RAI14: variants seen among roughly 807,000 people sequenced by gnomAD.
RAI14 encodes retinoic acid induced 14, also known as ankycorbin.
RAI14 carries 45 observed loss-of-function variants against 115.4 expected under a neutral mutation model. The ratio of observed to expected loss-of-function variants is 0.39; its 90% CI spans 0.31 to 0.50. The LOEUF is 0.50. Ranked by LOEUF, RAI14 falls within the 20% of genes least tolerant of loss-of-function variation. RAI14 has a pLI of 0.85. For synonymous variants in RAI14, 371 were observed against 415.4 expected (o/e 0.89, Z 1.30); for missense variants, 939 against 1,131.2 (o/e 0.83, Z 2.44).
At chr5:34,678,672 C>T (rs1744173811) in intron 1 of RAI14, among the ~76,000 whole-genome samples, 1 of 152,214 alleles carries the variant, frequency 6.6e-6, no homozygotes, top group South Asian at 2.1e-4. Context: ...GTTTAAACTA[C>T]CCAGTCTGTG....
intron 1 of RAI14, among the ~76,000 whole-genome samples, chr5:34,683,881 T>C (rs563974339): frequency 2.0e-4 from 30 of 152,240 alleles, no homozygotes; most frequent in African/African-American, 5.5e-4. Flanking sequence ...GCGCCCGCCA[T>C]CACGCCCGGC....
intron 2 of RAI14, among the ~76,000 whole-genome samples, chr5:34,712,676 G>A (rs953804931): frequency 6.6e-6 from 1 of 152,120 alleles, no homozygotes; most frequent in Non-Finnish European, 1.5e-5. Context: ...GATACACTAC[G>A]ACAGTTTTTC....
intron 1 of RAI14, among the ~76,000 whole-genome samples, chr5:34,661,311 A>T (rs918439680): frequency 6.6e-6 from 1 of 152,170 alleles, no homozygotes. Context: ...GTACTAGATT[A>T]TGAGCTCTAC....
At chr5:34,752,703 A>ATGTGTGTGTGTGTGTGTGTG (rs71600953) in intron 2 of RAI14, among the ~76,000 whole-genome samples, 3 of 83,012 alleles carry the variant, frequency 3.6e-5, no homozygotes, top group African/African-American at 5.7e-5. Context: ...TCTTACATAT[A>ATGTGTGTGTGTGTGTGTGTG]TGTGTGTGTG....
At chr5:34,698,671 A>G (rs2149921951) in intron 2 of RAI14, among the ~76,000 whole-genome samples, 1 of 152,304 alleles carries the variant, frequency 6.6e-6, no homozygotes, top group East Asian at 1.9e-4. Flanking sequence ...AGAAGGATAT[A>G]TACATGGGCA....
chr5:34,823,782 A>G lies in RAI14; in HGVS notation c.1940A>G (p.Glu647Gly). 6.2e-7 allele frequency: 1 copy of G among 1,614,202 alleles called. No homozygotes were observed. The highest frequency in any genetic ancestry group is 8.5e-7 in the Non-Finnish European group (1 of 1,180,030). The stretch of plus-strand genomic sequence containing the variant: ...GATGAACTCAATAAACAGGTGAGCG[A>G]GCTGTCACAGCTGTACAAAGAAGCC... ...MIDELNKQVSELSQLYKEAQA... is the reference protein window; with the variant it reads ...MIDELNKQVSGLSQLYKEAQA... The change falls in exon 15 of 18, where the codon GAG becomes GGG. Residue 647 changes from glutamate (E) to glycine (G), a missense_variant. Transcript: ENST00000265109. This position sits in a 1 kb window ranked among gnomAD's most constrained non-coding sequence, Gnocchi z 4.5.
chr5:34,788,435 G>C (rs1752566342), intron 3 of RAI14, among the ~76,000 whole-genome samples: 1 of 152,052 alleles, frequency 6.6e-6, no homozygotes, highest in South Asian at 2.1e-4. Context: ...TGAAACCATT[G>C]GTTCTCTTTA....
intron 2 of RAI14, among the ~76,000 whole-genome samples, chr5:34,751,891 C>G (rs1272837621): frequency 6.6e-6 from 1 of 152,180 alleles, no homozygotes; most frequent in Non-Finnish European, 1.5e-5. Context: ...AAAATTCTTT[C>G]AAGTGAATTC....
chr5:34,768,349 T>G (rs1308893927), intron 3 of RAI14, among the ~76,000 whole-genome samples: 4 of 152,182 alleles, frequency 2.6e-5, no homozygotes, highest in Non-Finnish European at 4.4e-5. Flanking sequence ...CCCTGATAAT[T>G]CGATAACAGA....
intron 2 of RAI14, among the ~76,000 whole-genome samples, chr5:34,687,294 G>A (rs75360346): frequency 0.012 from 1,776 of 152,192 alleles, 37 homozygotes; most frequent in African/African-American, 0.039. Flanking sequence ...TCAGAATGTC[G>A]TTTTTAGAAG....
intron 3 of RAI14, among the ~76,000 whole-genome samples, chr5:34,778,566 A>G (rs1171368741): frequency 1.3e-5 from 2 of 152,082 alleles, no homozygotes; most frequent in Non-Finnish European, 2.9e-5. Flanking sequence ...TAGGAAGTAG[A>G]TAAAATGTTT....
At chr5:34,815,505 G>A (rs1756125144) in intron 12 of RAI14, among the ~76,000 whole-genome samples, 1 of 152,248 alleles carries the variant, frequency 6.6e-6, no homozygotes. Context: ...AGAGGTTGCA[G>A]TGAGCCAAGA....
intron 2 of RAI14, among the ~76,000 whole-genome samples, chr5:34,714,977 G>A (rs1280310485): frequency 6.6e-6 from 1 of 152,156 alleles, no homozygotes; most frequent in Non-Finnish European, 1.5e-5. Flanking sequence ...CCAAATGCTG[G>A]TGGGATCTCA....
Position 34,709,316 on chromosome 5 carries a change from C to T in RAI14, c.36+22361C>T, listed in dbSNP as rs954216387. ...TAAAAAAATTAGCTGGGCATGGTGG[C>T]ATGTGCCTATAGTCCCAGCTACTTG... On this transcript the variant is annotated intron_variant, in intron 2 of 17. Coordinates refer to ENST00000265109, the MANE Select transcript of RAI14 (RefSeq NM_015577.3). Among the ~76,000 whole-genome samples, 3 of 152,068 alleles carry T rather than the reference C, an allele frequency of 2.0e-5. No homozygotes were observed. In the South Asian group the frequency reaches 6.2e-4, roughly 32 times the overall value.
intron 4 of RAI14, among the ~76,000 whole-genome samples, chr5:34,799,264 T>A (rs1753899001): frequency 6.6e-6 from 1 of 152,202 alleles, no homozygotes; most frequent in Non-Finnish European, 1.5e-5. Flanking sequence ...TAACAGTGCT[T>A]AGTGGTCATC....
intron 3 of RAI14, among the ~76,000 whole-genome samples, chr5:34,763,882 G>T (rs1300710246): frequency 6.6e-6 from 1 of 152,254 alleles, no homozygotes; most frequent in East Asian, 1.9e-4. Flanking sequence ...TTTTTGAGAC[G>T]GAGTCTTGCT....
At chr5:34,708,005 A>G (rs1168834846) in intron 2 of RAI14, among the ~76,000 whole-genome samples, 1 of 152,170 alleles carries the variant, frequency 6.6e-6, no homozygotes, top group East Asian at 1.9e-4. Context: ...GTGAAAGTCT[A>G]TGTCTTTATG....
At chr5:34,732,818 T>C (rs1284791589) in intron 2 of RAI14, among the ~76,000 whole-genome samples, 1 of 149,558 alleles carries the variant, frequency 6.7e-6, no homozygotes, top group Non-Finnish European at 1.5e-5. Flanking sequence ...ATATATAATA[T>C]GTATATATAT....
intron 2 of RAI14, chr5:34,733,091 T>G (rs1744404470): frequency 6.6e-6 from 1 of 152,172 alleles, no homozygotes; most frequent in African/African-American, 2.4e-5. Flanking sequence ...ATTGTTTTAT[T>G]ATATTCTATT....
Sources: gnomAD v4.1 joint callset for allele counts (sites outside exome capture counted in the v4.1 genomes callset) on GRCh38, gnomAD v4.1.1 for gene constraint, Gnocchi (gnomAD v3.1) non-coding constraint, MANE v1.5 for transcripts, NCBI Gene and HGNC (gene_info 2026-07-23, HGNC 2026-07-21) for gene names.